FKBP1A: variants seen among roughly 807,000 people sequenced by gnomAD.
The protein encoded by FKBP1A is peptidyl-prolyl cis-trans isomerase FKBP1A.
A neutral mutation model predicts 14.2 loss-of-function variants in FKBP1A; 5 were observed. The observed-to-expected ratio is 0.35, with a 90% CI of 0.18 to 0.74. FKBP1A has a LOEUF of 0.74. Among genes scored for constraint, FKBP1A ranks in the 30% least tolerant of loss-of-function variants. The probability of loss-of-function intolerance (pLI) is 0.56; values close to 1 mark genes in which losing one functional copy is unlikely to be tolerated. For synonymous variants in FKBP1A, 42 were observed against 49.1 expected (o/e 0.86, Z 0.60); for missense variants, 53 against 138.8 (o/e 0.38, Z 3.10).
At chr20:1,381,157 G>GA (rs1361198657) in intron 2 of FKBP1A, among the ~76,000 whole-genome samples, 1 of 152,130 alleles carries the variant, frequency 6.6e-6, no homozygotes, top group Non-Finnish European at 1.5e-5. Flanking sequence ...TTAAGAAAAT[G>GA]AAAGACAAAC....
At chr20:1,380,443 C>T (rs1233604843) in intron 2 of FKBP1A, among the ~76,000 whole-genome samples, 3 of 152,168 alleles carry the variant, frequency 2.0e-5, no homozygotes, top group Non-Finnish European at 4.4e-5. Context: ...CCAGTGCTCA[C>T]ACAGGGCTAG....
At chr20:1,372,047 A>T in intron 4 of FKBP1A, 29 bp downstream of exon 4, 1 of 1,602,456 alleles carries the variant, frequency 6.2e-7, no homozygotes, top group Non-Finnish European at 8.5e-7. Context: ...AAAGGCAGTG[A>T]AGGGCCCTTC....
intron 2 of FKBP1A, among the ~76,000 whole-genome samples, chr20:1,387,579 C>G (rs1384520697): frequency 6.6e-6 from 1 of 152,124 alleles, no homozygotes; most frequent in Non-Finnish European, 1.5e-5. Flanking sequence ...GGCACGGTGG[C>G]TCATGCCTGT....
intron 3 of FKBP1A, chr20:1,375,172 G>A (rs2089523688): frequency 3.8e-6 from 2 of 519,910 alleles, no homozygotes; most frequent in South Asian, 3.0e-5. Context: ...TGGAATTACA[G>A]GCATGAGCCA....
intron 4 of FKBP1A, chr20:1,370,571 T>C (rs567049924): frequency 3.0e-6 from 3 of 985,348 alleles, no homozygotes; most frequent in African/African-American, 1.7e-5. Context: ...ATGTTGAGTA[T>C]ACTGGGAAAA....
At chr20:1,382,317 A>G (rs1008977731) in intron 2 of FKBP1A, among the ~76,000 whole-genome samples, 1 of 152,230 alleles carries the variant, frequency 6.6e-6, no homozygotes, top group African/African-American at 2.4e-5. Context: ...CAGTGCAGAC[A>G]AGACAGCTGA....
intron 2 of FKBP1A, among the ~76,000 whole-genome samples, chr20:1,385,085 A>G (rs1438619147): frequency 6.6e-6 from 1 of 151,630 alleles, no homozygotes; most frequent in African/African-American, 2.4e-5. Flanking sequence ...TCGCATGGGG[A>G]GGGGGAGAAA....
rs1349082126 is a variant in FKBP1A, at chr20:1,379,582, GCT to G, written c.86-3981_86-3980del. ...TTAATTTTCCTATGCTATTTTGGAT[GCT>G]CTGTTGTCCCTGGGAAAGGGGCATG... On this transcript the variant is annotated intron_variant, in intron 2 of 4. Coordinates refer to ENST00000400137, the MANE Select transcript of FKBP1A (RefSeq NM_000801.5). This position sits in a 1 kb window ranked among gnomAD's most constrained non-coding sequence, Gnocchi z 4.3. Among the ~76,000 whole-genome samples the G allele has an allele frequency of 6.6e-6, 1 of 152,190 alleles. No individual in the cohort carries two copies. Among genetic ancestry groups the G allele is most frequent in the Non-Finnish European group, 1.5e-5 (1 of 68,038 alleles).
Position 1,369,028 on chromosome 20 carries a change from TC to T in FKBP1A, c.*1080del, listed in dbSNP as rs1489658274. On this transcript the variant is annotated 3_prime_UTR_variant, in exon 5 of 5. Transcript: ENST00000400137. ...TTATTGCAATAATAAAACTTGAGAC[TC>T]ATAAATGGTGCTGGGGGAAGGGTGC... 6.0e-6 allele frequency: 1 copy of T among 166,686 alleles called. No homozygotes were observed. The highest frequency in any genetic ancestry group is 2.4e-5 in the African/African-American group (1 of 41,330). The allele number at this position is 166,686 out of a possible 1,614,324, so 10.3% of individuals were successfully genotyped here. A position where few individuals can be genotyped will look rare whatever the true frequency, so the allele number is the denominator to read the frequency against.
intron 3 of FKBP1A, chr20:1,375,269 G>A (rs2089525215): frequency 1.7e-6 from 1 of 591,294 alleles, no homozygotes; most frequent in Admixed American, 3.1e-5. Flanking sequence ...AAAACAGTAT[G>A]TGTGTGAAAG....
chr20:1,382,415 G>A (rs993852160), intron 2 of FKBP1A, among the ~76,000 whole-genome samples: 5 of 152,128 alleles, frequency 3.3e-5, no homozygotes, highest in Non-Finnish European at 5.9e-5. Flanking sequence ...ATTCCTGGCC[G>A]TACAAGCCTA....
intron 2 of FKBP1A, among the ~76,000 whole-genome samples, chr20:1,380,101 C>T (rs1006618971): frequency 6.6e-6 from 1 of 151,994 alleles, no homozygotes; most frequent in Non-Finnish European, 1.5e-5. Context: ...ACAAAAAGTC[C>T]ACTAAAACCT....
chr20:1,370,073 C>A lies in FKBP1A; in HGVS notation c.*37-1G>T. The A allele has an allele frequency of 1.3e-6, 2 of 1,548,384 alleles. No homozygotes were observed. On this transcript the variant is annotated splice_acceptor_variant, in intron 4 of 4. Transcript: ENST00000400137. LOFTEE classifies it low-confidence loss of function (3UTR_SPLICE). ...GGCACCAGATCCCTCCATGGCAGATCTGTTGGGGACAGAAAATCTGTGAGT... is the reference window on the plus strand; with the variant it reads ...GGCACCAGATCCCTCCATGGCAGATATGTTGGGGACAGAAAATCTGTGAGT...
intron 4 of FKBP1A, chr20:1,371,574 G>T (rs2089465001): frequency 2.7e-6 from 1 of 371,798 alleles, no homozygotes; most frequent in South Asian, 1.1e-4. Context: ...ACCGATGCAG[G>T]AATGCCTCCC....
intron 2 of FKBP1A, among the ~76,000 whole-genome samples, chr20:1,382,484 T>C (rs572330666): frequency 6.6e-6 from 1 of 152,310 alleles, no homozygotes; most frequent in East Asian, 1.9e-4. Context: ...AAGTATTTAG[T>C]CTTGGCTCTC....
intron 2 of FKBP1A, among the ~76,000 whole-genome samples, chr20:1,387,906 C>A (rs753090553): frequency 6.6e-6 from 1 of 152,066 alleles, no homozygotes; most frequent in African/African-American, 2.4e-5. Flanking sequence ...AGAAGGATAA[C>A]AGCTAATAAA....
chr20:1,387,873 A>C (rs2089684757), intron 2 of FKBP1A, among the ~76,000 whole-genome samples: 1 of 152,226 alleles, frequency 6.6e-6, no homozygotes. Context: ...TTAAAGGTAA[A>C]GAATTACTTT....
In FKBP1A at chr20:1,372,000, G is replaced by C. The variant is rs569192484; in HGVS notation, c.*36+76C>G. The C allele has an allele frequency of 1.5e-4, 232 of 1,543,398 alleles. 2 individuals carry two copies. The African/African-American group carries it at 3.0e-3, about 20-fold the overall frequency. On this transcript the variant is annotated intron_variant, in intron 4 of 4. Transcript: ENST00000400137. ...CCTTGTGGTGTTTTTTGTTCTCTCT[G>C]CTACCCATCAAACGCTGGGCATAAC...
intron 4 of FKBP1A, chr20:1,371,805 T>C (rs550775930): frequency 1.1e-5 from 12 of 1,111,246 alleles, no homozygotes; most frequent in South Asian, 7.5e-5. Flanking sequence ...TCAGTTTTAA[T>C]TTATAAACTA....
Sources: allele counts gnomAD v4.1 joint callset (sites outside exome capture counted in the v4.1 genomes callset), GRCh38; gene constraint gnomAD v4.1.1; non-coding constraint Gnocchi (gnomAD v3.1); transcripts MANE v1.5; gene names NCBI Gene and HGNC (gene_info 2026-07-23, HGNC 2026-07-21).